Variants in PAK1 observed in about 807,000 individuals in gnomAD.
PAK1 encodes serine/threonine-protein kinase PAK 1.
A neutral mutation model predicts 67.4 loss-of-function variants in PAK1; 29 were observed. The observed-to-expected ratio is 0.43, with a 90% CI of 0.32 to 0.59. The LOEUF is 0.59. Among genes scored for constraint, PAK1 ranks in the 20% least tolerant of loss-of-function variants. The pLI, the probability that PAK1 is intolerant of heterozygous loss-of-function variation, is 0.07. For synonymous variants in PAK1, 223 were observed against 237.4 expected (o/e 0.94, Z 0.56); for missense variants, 337 against 670.7 (o/e 0.50, Z 5.50).
chr11:77,492,075 T>G, the PAK1 span, among the ~76,000 whole-genome samples: 1 of 152,156 alleles, frequency 6.6e-6, no homozygotes. Context: ...TAGGGTGAAT[T>G]CAGTCAATCA....
intron 2 of PAK1, among the ~76,000 whole-genome samples, chr11:77,385,365 T>C (rs1950317165): frequency 1.3e-5 from 2 of 152,168 alleles, no homozygotes; most frequent in Admixed American, 6.5e-5. Context: ...ATTTCAAAAA[T>C]AGAACCACAA....
At chr11:77,381,658 A>C (rs1325382570) in intron 2 of PAK1, among the ~76,000 whole-genome samples, 1 of 152,218 alleles carries the variant, frequency 6.6e-6, no homozygotes, top group Admixed American at 6.5e-5. Flanking sequence ...CAATCCTACA[A>C]GATAGATATT....
chr11:77,464,377 T>A, intron 1 of PAK1, among the ~76,000 whole-genome samples: 1 of 152,244 alleles, frequency 6.6e-6, no homozygotes, highest in East Asian at 1.9e-4. Flanking sequence ...ACATTAGTCC[T>A]TTATCTCTTT....
At chr11:77,464,695 C>T (rs1469625478) in intron 1 of PAK1, among the ~76,000 whole-genome samples, 2 of 152,220 alleles carry the variant, frequency 1.3e-5, no homozygotes, top group Non-Finnish European at 2.9e-5. Flanking sequence ...GCATTTAATA[C>T]ACCTAACATA....
the PAK1 span, among the ~76,000 whole-genome samples, chr11:77,508,399 C>G: frequency 1.3e-5 from 2 of 152,146 alleles, no homozygotes; most frequent in East Asian, 1.9e-4. Context: ...GGGAGTGTGA[C>G]AGCAGTATGT....
rs370501446 is a variant in PAK1 at position 77,346,196 on chromosome 11, A to G, written c.886-2265T>C. Among the ~76,000 whole-genome samples, 7 of 151,502 alleles carry G rather than the reference A, an allele frequency of 4.6e-5. No homozygotes were observed. In the East Asian group the frequency reaches 1.4e-3, roughly 29 times the overall value. Reference sequence around the variant, plus strand: ...ACCACGTTGGCCAGGCTGGTCTCGAACTCCTGATCTCGTAATCTGCCTGCC... The same window carrying G: ...ACCACGTTGGCCAGGCTGGTCTCGAGCTCCTGATCTCGTAATCTGCCTGCC... On this transcript the variant is annotated intron_variant, in intron 9 of 14. Transcript: ENST00000356341.
intron 1 of PAK1, among the ~76,000 whole-genome samples, chr11:77,429,292 G>C (rs916115058): frequency 6.6e-6 from 1 of 152,018 alleles, no homozygotes; most frequent in African/African-American, 2.4e-5. Context: ...AATGATGCTA[G>C]CAATAGATTA....
At chr11:77,460,563 TG>T in intron 1 of PAK1, among the ~76,000 whole-genome samples, 1 of 151,550 alleles carries the variant, frequency 6.6e-6, no homozygotes, top group Middle Eastern at 3.4e-3. Flanking sequence ...TTTTTTTTTT[TG>T]GTGAAGAAAA....
chr11:77,353,682 C>T, intron 7 of PAK1, 83 bp from the exon 8 acceptor site: 3 of 1,069,820 alleles, frequency 2.8e-6, no homozygotes, highest in Non-Finnish European at 2.9e-6. Context: ...ACCCCTGTAG[C>T]TGGCAAGGGT....
At chr11:77,450,585 T>C (rs1956811545) in intron 1 of PAK1, among the ~76,000 whole-genome samples, 1 of 152,238 alleles carries the variant, frequency 6.6e-6, no homozygotes, top group South Asian at 2.1e-4. Flanking sequence ...TAGGGATTTA[T>C]GGAACTCTAT....
At chr11:77,326,677 C>A (rs1262931485) in intron 14 of PAK1, among the ~76,000 whole-genome samples, 2 of 151,988 alleles carry the variant, frequency 1.3e-5, no homozygotes, top group African/African-American at 4.8e-5. Flanking sequence ...AGAGAGAGAT[C>A]CTGTCTCGAA....
the PAK1 span, among the ~76,000 whole-genome samples, chr11:77,505,177 C>T: frequency 1.3e-5 from 2 of 149,110 alleles, no homozygotes; most frequent in Non-Finnish European, 3.0e-5. Context: ...GCAACCATTG[C>T]TACTATTTTT....
chr11:77,529,503 T>A, the PAK1 span, among the ~76,000 whole-genome samples: 1 of 152,198 alleles, frequency 6.6e-6, no homozygotes, highest in Non-Finnish European at 1.5e-5. Context: ...TCTCAGTGAT[T>A]CTATGTCTAT....
chr11:77,325,289 G>C (rs774486493), intron 14 of PAK1: 6 of 1,613,390 alleles, frequency 3.7e-6, no homozygotes, highest in South Asian at 1.1e-5. Context: ...ATACACACTT[G>C]AGAGCCAAAC....
intron 2 of PAK1, among the ~76,000 whole-genome samples, chr11:77,386,104 CT>C (rs941808266): frequency 1.3e-5 from 2 of 152,126 alleles, no homozygotes; most frequent in Non-Finnish European, 2.9e-5. Flanking sequence ...AACTTTAACC[CT>C]ATCTTTGACC....
chr11:77,427,245 C>T (rs557401862), intron 1 of PAK1, among the ~76,000 whole-genome samples: 1 of 152,304 alleles, frequency 6.6e-6, no homozygotes, highest in African/African-American at 2.4e-5. Flanking sequence ...TCAGGAGACA[C>T]ATATCACAAT....
chr11:77,392,905 A>G (rs1315180332), intron 1 of PAK1, among the ~76,000 whole-genome samples: 1 of 152,234 alleles, frequency 6.6e-6, no homozygotes, highest in Non-Finnish European at 1.5e-5. Flanking sequence ...GGTTTCATTT[A>G]TTCATCTATG....
the PAK1 span, among the ~76,000 whole-genome samples, chr11:77,489,140 G>C: frequency 3.0e-4 from 45 of 152,254 alleles, no homozygotes; most frequent in African/African-American, 1.0e-3. Flanking sequence ...GGAGAGAGTG[G>C]CATGACAAAT....
intron 14 of PAK1, among the ~76,000 whole-genome samples, chr11:77,331,202 T>C (rs958901584): frequency 6.6e-6 from 1 of 152,208 alleles, no homozygotes; most frequent in Non-Finnish European, 1.5e-5. Flanking sequence ...GTAAACTAGT[T>C]CAACCATTGT....
Sources: allele counts gnomAD v4.1 joint callset (sites outside exome capture counted in the v4.1 genomes callset), GRCh38; gene constraint gnomAD v4.1.1; transcripts MANE v1.5; gene names NCBI Gene and HGNC (gene_info 2026-07-23, HGNC 2026-07-21).